ICE1: variants seen among roughly 807,000 people sequenced by gnomAD.
ICE1 encodes little elongation complex subunit 1.
ICE1 carries 64 observed loss-of-function variants against 192.7 expected under a neutral mutation model. The observed-to-expected ratio is 0.33, with a 90% CI of 0.27 to 0.41. ICE1 has a LOEUF of 0.41. Ranked by LOEUF, ICE1 falls within the 10% of genes least tolerant of loss-of-function variation. ICE1 has a pLI of 1.00. For synonymous variants in ICE1, 1,010 were observed against 984.5 expected (o/e 1.03, Z -0.49); for missense variants, 2,708 against 2,696.0 (o/e 1.00, Z -0.10).
intron 17 of ICE1, among the ~76,000 whole-genome samples, chr5:5,481,176 TAAAA>T (rs982771302): frequency 2.6e-5 from 4 of 152,046 alleles, no homozygotes; most frequent in African/African-American, 4.8e-5. Context: ...TTTTGAGAGT[TAAAA>T]AAAATTAGAA....
intron 17 of ICE1, among the ~76,000 whole-genome samples, chr5:5,484,780 T>C (rs993460395): frequency 2.0e-5 from 3 of 152,178 alleles, no homozygotes; most frequent in African/African-American, 7.2e-5. Flanking sequence ...AAAATAGAGA[T>C]GAAACTCATA....
At chr5:5,470,749 CA>C (rs1242324384) in intron 15 of ICE1, among the ~76,000 whole-genome samples, 23 of 152,170 alleles carry the variant, frequency 1.5e-4, no homozygotes, top group African/African-American at 3.4e-4. Context: ...GGTAATAATT[CA>C]GTAAAATTTA....
rs1738868759 is a variant in ICE1, at chr5:5,463,501, G to A, written c.4167G>A (p.Glu1389=). The change falls in exon 13 of 19, where the codon GAG becomes GAA. Residue 1389 remains glutamate (E), a synonymous_variant. Coordinates refer to ENST00000296564, the MANE Select transcript of ICE1 (RefSeq NM_015325.3). Reference sequence around the variant, plus strand: ...CCATAGAGCAAAGTTCTAACTGCGAGGCCGAAACAACATTTCAGTGTCAGA... The same window carrying A: ...CCATAGAGCAAAGTTCTAACTGCGAAGCCGAAACAACATTTCAGTGTCAGA... The part of the protein sequence containing the change: ...EPSIEQSSNC[E]AETTFQCQIA... 1.9e-6 allele frequency: 3 copies of A among 1,613,236 alleles called. No individual in the cohort carries two copies. Among genetic ancestry groups the A allele is most frequent in the South Asian group, 1.1e-5 (1 of 90,962 alleles).
intron 1 of ICE1, among the ~76,000 whole-genome samples, chr5:5,423,702 C>T (rs991282861): frequency 2.0e-5 from 3 of 152,118 alleles, no homozygotes; most frequent in Admixed American, 6.5e-5. Flanking sequence ...CAATAGTGCC[C>T]CTCATTTCCC....
intron 4 of ICE1, among the ~76,000 whole-genome samples, chr5:5,440,470 C>T (rs1486394352): frequency 6.6e-6 from 1 of 152,152 alleles, no homozygotes; most frequent in Admixed American, 6.5e-5. Context: ...GTAAAGTATT[C>T]TTCAGCAAAT....
chr5:5,423,734 T>A (rs1338161421), intron 1 of ICE1, among the ~76,000 whole-genome samples: 1 of 152,188 alleles, frequency 6.6e-6, no homozygotes, highest in Non-Finnish European at 1.5e-5. Flanking sequence ...AGCTGCCTGA[T>A]GTCGGGGGTC....
intron 14 of ICE1, among the ~76,000 whole-genome samples, chr5:5,468,375 G>A (rs1739052467): frequency 6.6e-6 from 1 of 152,118 alleles, no homozygotes; most frequent in Admixed American, 6.5e-5. Flanking sequence ...CTTTAAAAGA[G>A]TTTATTTTAT....
At chr5:5,469,567 G>T (rs1309581140) in intron 15 of ICE1, among the ~76,000 whole-genome samples, 1 of 152,044 alleles carries the variant, frequency 6.6e-6, no homozygotes, top group East Asian at 1.9e-4. Flanking sequence ...TCAAGAAGAG[G>T]TACTGAAGCC....
At chr5:5,423,370 A>G (rs957086752) in intron 1 of ICE1, among the ~76,000 whole-genome samples, 5 of 152,038 alleles carry the variant, frequency 3.3e-5, no homozygotes, top group African/African-American at 1.2e-4. Context: ...CTCCCTGAGG[A>G]TAACGCTTTG....
At position 5,475,958 on chromosome 5, in the gene ICE1, GT is replaced by G. The variant is rs994435481; in HGVS notation, c.6414-13del. 6.7e-7 allele frequency: 1 copy of G among 1,492,676 alleles called. No individual in the cohort carries two copies. The highest frequency in any genetic ancestry group is 9.3e-7 in the Non-Finnish European group (1 of 1,073,976). 92.5% of individuals were successfully genotyped at this position (1,492,676 alleles called of 1,614,324 possible). A position where few individuals can be genotyped will look rare whatever the true frequency, so the allele number is the denominator to read the frequency against. ...TGATGATGAGCATACATCTTTTCAT[GT>G]TGTTTTTTTATAGTAAGGAGCTGTG... is the stretch of plus-strand genomic sequence containing the variant. On this transcript the variant is annotated splice_polypyrimidine_tract_variant and intron_variant, in intron 16 of 18. Transcript: ENST00000296564.
chr5:5,463,759 CACTG>C lies in ICE1; in HGVS notation c.4426_4429del (p.Thr1476AlafsTer70). On this transcript the variant is annotated frameshift_variant, in exon 13 of 19. Coordinates refer to ENST00000296564, the MANE Select transcript of ICE1 (RefSeq NM_015325.3). LOFTEE classifies it high-confidence loss of function. ...CTGAGAAGTCCCCAGAGGCCAGTCACACTGGCCCTGCATTTCAGGAGGCTCCATG... is the reference window on the plus strand; with the variant it reads ...CTGAGAAGTCCCCAGAGGCCAGTCACGCCCTGCATTTCAGGAGGCTCCATG... 6.2e-7 allele frequency: 1 copy of C among 1,613,792 alleles called. No homozygotes were observed. The highest frequency in any genetic ancestry group is 8.5e-7 in the Non-Finnish European group (1 of 1,179,698).
At chr5:5,436,630 G>A (rs985772409) in intron 2 of ICE1, among the ~76,000 whole-genome samples, 154 bp downstream of exon 2, 6 of 152,088 alleles carry the variant, frequency 3.9e-5, no homozygotes, top group Non-Finnish European at 7.4e-5. Flanking sequence ...CGTGAGCTTT[G>A]GGACTTGAAC....
At chr5:5,439,092 A>G (rs146178139) in intron 3 of ICE1, among the ~76,000 whole-genome samples, 115 of 152,230 alleles carry the variant, frequency 7.6e-4, no homozygotes, top group African/African-American at 2.7e-3. Flanking sequence ...TCAGTATTTC[A>G]GCTCTTTTTT....
At chr5:5,473,013 T>C (rs1332183625) in intron 15 of ICE1, among the ~76,000 whole-genome samples, 1 of 152,176 alleles carries the variant, frequency 6.6e-6, no homozygotes, top group Non-Finnish European at 1.5e-5. Context: ...AATATGTCCA[T>C]ATAATTGGTT....
intron 1 of ICE1, among the ~76,000 whole-genome samples, chr5:5,429,964 A>G (rs1347465628): frequency 2.0e-5 from 3 of 152,230 alleles, no homozygotes; most frequent in Admixed American, 2.0e-4. Context: ...CCAGAAGGCA[A>G]AGAAAAGATG....
chr5:5,434,358 G>A (rs1036074695), intron 1 of ICE1, among the ~76,000 whole-genome samples: 7 of 152,128 alleles, frequency 4.6e-5, no homozygotes, highest in African/African-American at 7.2e-5. Context: ...ATGAGTAAAG[G>A]TAGGATAAAA....
At position 5,462,621 on chromosome 5, in the gene ICE1, G is replaced by A; in HGVS notation, c.3287G>A (p.Cys1096Tyr). The A allele has an allele frequency of 6.2e-7, 1 of 1,613,934 alleles. No homozygotes were observed. Residue 1096 changes from cysteine (C) to tyrosine (Y), a missense_variant, in exon 13 of 19, where the codon TGT (cysteine) becomes TAT (tyrosine). This residue lies in a region of ICE1 where 2,366 missense variants were observed against 2,276.6 expected (regional missense o/e 1.04). Coordinates refer to ENST00000296564, the MANE Select transcript of ICE1 (RefSeq NM_015325.3). ...AGTAGCCTGCCTGGTACCTTACATT[G>A]TTACACAGGCATTCGAGAGGGGGGA... ...SQSSLPGTLHCYTGIREGGDD... is the reference protein window; with the variant it reads ...SQSSLPGTLHYYTGIREGGDD...
chr5:5,478,567 C>CCACTGA (rs1739408094), intron 17 of ICE1, among the ~76,000 whole-genome samples: 1 of 152,310 alleles, frequency 6.6e-6, no homozygotes, highest in South Asian at 2.1e-4. Flanking sequence ...CATCAAGCTA[C>CCACTGA]CACTGACTTT....
intron 17 of ICE1, among the ~76,000 whole-genome samples, chr5:5,481,188 G>C (rs1315068394): frequency 8.5e-5 from 13 of 152,108 alleles, no homozygotes; most frequent in Admixed American, 8.5e-4. Context: ...AAAAAAATTA[G>C]AAGAGATGTT....
Sources: gnomAD v4.1 joint callset for allele counts (sites outside exome capture counted in the v4.1 genomes callset) on GRCh38, gnomAD v4.1.1 for gene constraint, gnomAD v4.1.1 regional missense constraint, MANE v1.5 for transcripts, NCBI Gene and HGNC (gene_info 2026-07-23, HGNC 2026-07-21) for gene names.